LGSN: variants seen among roughly 807,000 people sequenced by gnomAD.
LGSN encodes lengsin.
In LGSN, 21 loss-of-function variants were observed where a neutral mutation model predicts 19.5. The observed-to-expected ratio is 1.07, with a 90% CI of 0.76 to 1.55. LGSN has a LOEUF of 1.55. Ranked by LOEUF, LGSN falls within the 40% of genes most tolerant of loss-of-function variation. The pLI is 0.00. For missense variants in LGSN, 673 were observed against 608.5 expected (o/e 1.11, Z -1.12); for synonymous variants, 257 against 215.6 (o/e 1.19, Z -1.68).
At chr6:63,380,433 C>T in the LGSN span, among the ~76,000 whole-genome samples, 7 of 152,188 alleles carry the variant, frequency 4.6e-5, no homozygotes, top group Non-Finnish European at 1.0e-4. Flanking sequence ...GCATTCCTCC[C>T]TAGGGCACAG....
rs10601946 is a variant in LGSN at position 63,315,618 on chromosome 6, C to CTG, written c.30+4294_30+4295dup. 7.5e-3 allele frequency among the ~76,000 whole-genome samples: 1,033 copies of CTG among 138,150 alleles called. 11 individuals carry two copies. Among genetic ancestry groups the CTG allele is most frequent in the African/African-American group, 0.02 (763 of 38,098 alleles). 90.6% of individuals were successfully genotyped at this position (138,150 alleles called of 152,430 possible). On this transcript the variant is annotated intron_variant, in intron 1 of 3. Transcript: ENST00000370657. ...GCTAAAATGTTCTCTCTCTCTCTCT[C>CTG]TGTGTGTGTGTGTGTGTGTGTGTGT...
the LGSN span, among the ~76,000 whole-genome samples, chr6:63,505,573 GAA>G: frequency 8.0e-5 from 5 of 62,816 alleles, 1 homozygote; most frequent in East Asian, 1.7e-3. Context: ...AAAAAAGAAA[GAA>G]AGAAAGAAAG....
At chr6:63,551,575 T>C in the LGSN span, among the ~76,000 whole-genome samples, 2 of 152,166 alleles carry the variant, frequency 1.3e-5, no homozygotes. Context: ...CTAGGGTACA[T>C]GTGCACAATG....
the LGSN span, among the ~76,000 whole-genome samples, chr6:63,340,804 C>T: frequency 6.7e-6 from 1 of 150,170 alleles, no homozygotes; most frequent in Middle Eastern, 3.4e-3. Flanking sequence ...TATTATTTTC[C>T]TTTAGAAAGT....
At chr6:63,467,412 T>C in the LGSN span, among the ~76,000 whole-genome samples, 3 of 152,152 alleles carry the variant, frequency 2.0e-5, no homozygotes, top group African/African-American at 4.8e-5. Flanking sequence ...GTGTATTTGC[T>C]AGTGCTGCAA....
At chr6:63,443,454 C>A in the LGSN span, 3 of 212,704 alleles carry the variant, frequency 1.4e-5, no homozygotes, top group Non-Finnish European at 1.7e-5. Context: ...CGAGGAGGCA[C>A]CAAGAGCAAG....
chr6:63,418,129 T>C, the LGSN span, among the ~76,000 whole-genome samples: 14,371 of 152,208 alleles, frequency 0.094, 1,223 homozygotes, highest in African/African-American at 0.23. Flanking sequence ...AATGTTTCCA[T>C]TTAATTTTTA....
chr6:63,546,563 G>A, the LGSN span, among the ~76,000 whole-genome samples: 10 of 152,104 alleles, frequency 6.6e-5, no homozygotes, highest in Non-Finnish European at 1.2e-4. Context: ...AAAATTAGCC[G>A]AGCATGGTGG....
At chr6:63,438,997 A>G in the LGSN span, among the ~76,000 whole-genome samples, 3 of 152,266 alleles carry the variant, frequency 2.0e-5, no homozygotes, top group African/African-American at 7.2e-5. Context: ...AATGTGGCAC[A>G]TATACACCAT....
At chr6:63,333,351 G>T in the LGSN span, among the ~76,000 whole-genome samples, 1 of 151,036 alleles carries the variant, frequency 6.6e-6, no homozygotes, top group Non-Finnish European at 1.5e-5. Context: ...CTTACAAAAA[G>T]TCGAAAGGAA....
the LGSN span, chr6:63,443,518 T>C: frequency 8.2e-6 from 5 of 612,050 alleles, no homozygotes; most frequent in Non-Finnish European, 1.1e-5. Flanking sequence ...GTGAACACCA[T>C]CTGTGACAAT....
At chr6:63,298,343 A>G (rs1768058685) in intron 1 of LGSN, among the ~76,000 whole-genome samples, 2 of 152,238 alleles carry the variant, frequency 1.3e-5, no homozygotes, top group African/African-American at 4.8e-5. Flanking sequence ...TACAGAAGTC[A>G]TGACAGACAC....
At chr6:63,282,800 C>T (rs190998891) in intron 3 of LGSN, among the ~76,000 whole-genome samples, 7 of 152,226 alleles carry the variant, frequency 4.6e-5, no homozygotes, top group African/African-American at 7.2e-5. Context: ...TTTATACACA[C>T]GCACACACAC....
chr6:63,570,961 T>C, the LGSN span: 4 of 152,204 alleles, frequency 2.6e-5, no homozygotes, highest in Non-Finnish European at 4.4e-5. Context: ...CACCCAAGAT[T>C]TTTAAGCTTT....
the LGSN span, among the ~76,000 whole-genome samples, chr6:63,513,932 A>AAAAAAAAAAAAAAC: frequency 8.7e-6 from 1 of 114,492 alleles, no homozygotes; most frequent in African/African-American, 3.5e-5. Flanking sequence ...AAAAAAAAAA[A>AAAAAAAAAAAAAAC]AAAACACTGG....
chr6:63,513,019 A>G, the LGSN span, among the ~76,000 whole-genome samples: 276 of 152,322 alleles, frequency 1.8e-3, 1 homozygote, highest in African/African-American at 6.0e-3. Context: ...AACCATAGGG[A>G]CATTCAGTGT....
the LGSN span, among the ~76,000 whole-genome samples, chr6:63,511,194 C>G: frequency 6.6e-6 from 1 of 151,922 alleles, no homozygotes; most frequent in East Asian, 1.9e-4. Context: ...AATGGAAGCC[C>G]TACAAATCCT....
intron 2 of LGSN, among the ~76,000 whole-genome samples, chr6:63,291,836 T>C (rs987358270): frequency 2.6e-5 from 4 of 152,158 alleles, no homozygotes; most frequent in African/African-American, 9.7e-5. Context: ...TTAAATTGCA[T>C]GGCAAAAGGG....
chr6:63,404,790 A>T, the LGSN span, among the ~76,000 whole-genome samples: 1 of 151,564 alleles, frequency 6.6e-6, no homozygotes, highest in African/African-American at 2.4e-5. Context: ...TACTAAAAAA[A>T]AGTATTTCTT....
Sources: gnomAD v4.1 joint callset for allele counts (sites outside exome capture counted in the v4.1 genomes callset) on GRCh38, gnomAD v4.1.1 for gene constraint, MANE v1.5 for transcripts, NCBI Gene and HGNC (gene_info 2026-07-23, HGNC 2026-07-21) for gene names.